Variants in FOXP2 observed in about 807,000 individuals in gnomAD.
FOXP2 encodes the protein forkhead box P2.
A neutral mutation model predicts 115.8 loss-of-function variants in FOXP2; 12 were observed. The ratio of observed to expected loss-of-function variants is 0.10; its 90% CI spans 0.07 to 0.17. The LOEUF (loss-of-function observed/expected upper bound fraction) is 0.17, where lower values mean the gene tolerates loss of function less well. Ranked by LOEUF, FOXP2 falls within the 10% of genes least tolerant of loss-of-function variation. The pLI, the probability that FOXP2 is intolerant of heterozygous loss-of-function variation, is 1.00. For missense variants in FOXP2, 629 were observed against 843.5 expected (o/e 0.75, Z 3.15); for synonymous variants, 328 against 297.7 (o/e 1.10, Z -1.05).
At chr7:114,546,601 C>A (rs889507822) in intron 3 of FOXP2, among the ~76,000 whole-genome samples, 2 of 152,088 alleles carry the variant, frequency 1.3e-5, no homozygotes, top group Admixed American at 1.3e-4. Flanking sequence ...TTCCAACACC[C>A]CTTATCTGAT....
intron 2 of FOXP2, among the ~76,000 whole-genome samples, chr7:114,349,785 G>A (rs1317388327): frequency 6.6e-6 from 1 of 152,072 alleles, no homozygotes; most frequent in African/African-American, 2.4e-5. Context: ...GCATACTGGT[G>A]TGGATAGGGT....
chr7:114,136,210 A>G lies in FOXP2; in HGVS notation c.-246-26734A>G, dbSNP rs112076788. On this transcript the variant is annotated intron_variant, in intron 1 of 19. Transcript: ENST00000635638. The stretch of plus-strand genomic sequence containing the variant: ...TTCTTGATACTTCCTTCTATCCTCT[A>G]CTCTAAAATATCCTACAACAATAAC... Among the ~76,000 whole-genome samples the G allele has an allele frequency of 5.8e-3, 877 of 152,072 alleles. 13 individuals are homozygous for G. Among genetic ancestry groups the G allele is most frequent in the African/African-American group, 0.02 (832 of 41,520 alleles).
intron 6 of FOXP2, among the ~76,000 whole-genome samples, chr7:114,637,232 A>C (rs759019906): frequency 5.9e-5 from 9 of 152,168 alleles, no homozygotes; most frequent in Non-Finnish European, 1.3e-4. Flanking sequence ...TTACCCTTTC[A>C]TTTACTCAGC....
chr7:114,138,039 G>A (rs1792089744), intron 1 of FOXP2, among the ~76,000 whole-genome samples: 1 of 152,014 alleles, frequency 6.6e-6, no homozygotes, highest in South Asian at 2.1e-4. Context: ...CAGAAAATAA[G>A]GAAATGCTTT....
intron 2 of FOXP2, among the ~76,000 whole-genome samples, chr7:114,453,773 T>G (rs1220521481): frequency 2.6e-5 from 4 of 152,140 alleles, no homozygotes. Context: ...GGGGAAAGGA[T>G]TCCCTATTTA....
intron 2 of FOXP2, among the ~76,000 whole-genome samples, chr7:114,477,827 A>C (rs556898125): frequency 6.6e-6 from 1 of 152,052 alleles, no homozygotes; most frequent in African/African-American, 2.4e-5. Context: ...TATGAGATAA[A>C]AATTATAAAT....
intron 8 of FOXP2, among the ~76,000 whole-genome samples, chr7:114,650,751 C>T (rs1806203078): frequency 6.6e-6 from 1 of 151,928 alleles, no homozygotes; most frequent in African/African-American, 2.4e-5. Context: ...CTCCCCTGCA[C>T]TCCAGCCACA....
At chr7:114,537,413 A>G (rs1799450679) in intron 3 of FOXP2, among the ~76,000 whole-genome samples, 1 of 151,608 alleles carries the variant, frequency 6.6e-6, no homozygotes. Flanking sequence ...TAGTTTTGAT[A>G]GAGAACTATT....
intron 11 of FOXP2, among the ~76,000 whole-genome samples, chr7:114,659,039 CA>C (rs1806736245): frequency 6.6e-6 from 1 of 152,090 alleles, no homozygotes; most frequent in Admixed American, 6.6e-5. Flanking sequence ...AAGATTATAG[CA>C]GGGGGGCAAA....
intron 2 of FOXP2, among the ~76,000 whole-genome samples, chr7:114,497,665 G>GTAAA (rs3028216): frequency 0.026 from 3,759 of 145,570 alleles, 62 homozygotes; most frequent in East Asian, 0.057. Context: ...AAATAAATAA[G>GTAAA]TAAATAAATA....
chr7:114,295,218 C>T (rs555149954), intron 2 of FOXP2, among the ~76,000 whole-genome samples: 1 of 152,250 alleles, frequency 6.6e-6, no homozygotes, highest in Admixed American at 6.5e-5. Flanking sequence ...CTGGGAAGTG[C>T]ACCATTACAA....
At position 114,691,653 on chromosome 7, in the gene FOXP2, C is replaced by G. The variant is rs1239829513; in HGVS notation, c.*1727C>G. ...TGTGCTGTGCCAAGTCTTGATAATA[C>G]TTTTTCCCCCAACCAAGGGACCTCA... On this transcript the variant is annotated 3_prime_UTR_variant, in exon 17 of 17. Transcript: ENST00000350908. 2.2e-6 allele frequency: 1 copy of G among 453,758 alleles called. No individual in the cohort carries two copies. Among genetic ancestry groups the G allele is most frequent in the Non-Finnish European group, 4.4e-6 (1 of 226,720 alleles). 28.1% of individuals were successfully genotyped at this position (453,758 alleles called of 1,614,324 possible).
At chr7:114,136,622 C>T (rs1327697118) in intron 1 of FOXP2, among the ~76,000 whole-genome samples, 1 of 151,138 alleles carries the variant, frequency 6.6e-6, no homozygotes, top group Non-Finnish European at 1.5e-5. Flanking sequence ...AGAAAATGGG[C>T]TTCTGCTTGT....
chr7:114,589,659 C>G (rs1399109861), intron 3 of FOXP2, among the ~76,000 whole-genome samples: 1 of 152,174 alleles, frequency 6.6e-6, no homozygotes, highest in Non-Finnish European at 1.5e-5. Context: ...AAAGCTTGCT[C>G]TATTAAGTGG....
At chr7:114,630,144 G>GT (rs1804821999) in intron 5 of FOXP2, 139 bp downstream of exon 5, 1 of 1,466,208 alleles carries the variant, frequency 6.8e-7, no homozygotes, top group East Asian at 2.3e-5. Context: ...ACTGAGCTTA[G>GT]TAACAGTGAT....
chr7:114,271,150 T>C (rs1796024471), intron 1 of FOXP2, among the ~76,000 whole-genome samples: 1 of 152,054 alleles, frequency 6.6e-6, no homozygotes, highest in African/African-American at 2.4e-5. Flanking sequence ...CTTGCTGTAA[T>C]TACTTATTAG....
chr7:114,486,473 C>T (rs753053258), intron 2 of FOXP2, among the ~76,000 whole-genome samples: 4 of 152,070 alleles, frequency 2.6e-5, no homozygotes, highest in Non-Finnish European at 5.9e-5. Flanking sequence ...TCATTCCACC[C>T]CTGGCCCCTC....
chr7:114,688,630 G>T (rs1269345918), intron 16 of FOXP2, among the ~76,000 whole-genome samples: 3 of 152,098 alleles, frequency 2.0e-5, no homozygotes, highest in African/African-American at 7.2e-5. Context: ...GTAGGGCCTG[G>T]ATCATGTTAA....
rs1562952185 is a variant in FOXP2 at position 114,481,804 on chromosome 7, C to CTATA, written c.169-52810_169-52809insATAT. The stretch of plus-strand genomic sequence containing the variant: ...TCTATCTATCTATCTATCTATCTAT[C>CTATA]TATCTATATATCTATCTATCTAATC... On this transcript the variant is annotated intron_variant, in intron 2 of 16. Coordinates refer to ENST00000350908, the MANE Select transcript of FOXP2 (RefSeq NM_014491.4). 9.5e-5 allele frequency among the ~76,000 whole-genome samples: 14 copies of CTATA among 148,100 alleles called. No individual in the cohort carries two copies. The South Asian group carries it at 2.9e-3, about 31-fold the overall frequency.
Sources: allele counts gnomAD v4.1 joint callset (sites outside exome capture counted in the v4.1 genomes callset), GRCh38; gene constraint gnomAD v4.1.1; transcripts MANE v1.5; gene names NCBI Gene and HGNC (gene_info 2026-07-23, HGNC 2026-07-21).